Variants in CADM2 observed in about 807,000 individuals in gnomAD.
CADM2 encodes the protein immunoglobulin superfamily member 4D.
Under a neutral mutation model 49.8 loss-of-function variants are expected in CADM2, and 12 were observed. The ratio of observed to expected loss-of-function variants is 0.24; its 90% confidence interval spans 0.15 to 0.39. The LOEUF is 0.39. Among genes scored for constraint, CADM2 ranks in the 10% least tolerant of loss-of-function variants. The probability of loss-of-function intolerance (pLI) is 1.00; values close to 1 mark genes in which losing one functional copy is unlikely to be tolerated. For missense variants in CADM2, 378 were observed against 492.3 expected (o/e 0.77, Z 2.20); for synonymous variants, 214 against 175.4 (o/e 1.22, Z -1.74).
chr3:85,040,553 G>C (rs1316009511), intron 1 of CADM2, among the ~76,000 whole-genome samples: 3 of 149,778 alleles, frequency 2.0e-5, no homozygotes, highest in Non-Finnish European at 4.4e-5. Flanking sequence ...CTAGTCGCTA[G>C]AGGAGAATTA....
At chr3:85,375,008 TCA>T (rs922482229) in intron 1 of CADM2, among the ~76,000 whole-genome samples, 1 of 152,000 alleles carries the variant, frequency 6.6e-6, no homozygotes, top group Non-Finnish European at 1.5e-5. Flanking sequence ...AAAAAGAAAA[TCA>T]CACACACACA....
chr3:85,737,049 A>T (rs2068168696), intron 2 of CADM2, among the ~76,000 whole-genome samples: 3 of 152,338 alleles, frequency 2.0e-5, no homozygotes, highest in East Asian at 1.9e-4. Context: ...ACATTTTGTT[A>T]TTCTTCATTT....
At chr3:85,286,196 G>T (rs571750751) in intron 1 of CADM2, among the ~76,000 whole-genome samples, 1 of 152,112 alleles carries the variant, frequency 6.6e-6, no homozygotes, top group Non-Finnish European at 1.5e-5. Context: ...ATCTGGGACC[G>T]GAGCTGATCT....
chr3:85,588,799 G>C (rs2063019077), intron 1 of CADM2, among the ~76,000 whole-genome samples: 1 of 151,988 alleles, frequency 6.6e-6, no homozygotes. Context: ...GGTGCAAATA[G>C]TGCACCTGCC....
intron 1 of CADM2, among the ~76,000 whole-genome samples, chr3:85,695,462 T>C (rs943695212): frequency 4.6e-5 from 7 of 152,070 alleles, no homozygotes; most frequent in Admixed American, 2.0e-4. Context: ...TTACTTTACT[T>C]AGGATAATGT....
intron 1 of CADM2, among the ~76,000 whole-genome samples, chr3:85,457,143 T>C (rs1266577694): frequency 3.3e-5 from 5 of 152,174 alleles, no homozygotes; most frequent in Admixed American, 2.6e-4. Flanking sequence ...CCAGGAGCAG[T>C]GGCTCACGCC....
At chr3:85,688,991 C>T (rs773494293) in intron 1 of CADM2, among the ~76,000 whole-genome samples, 9 of 152,158 alleles carry the variant, frequency 5.9e-5, no homozygotes, top group Non-Finnish European at 1.3e-4. Context: ...TGTGAATGTT[C>T]ATAGCACCTT....
intron 8 of CADM2, among the ~76,000 whole-genome samples, chr3:86,061,280 T>TA (rs1738613419): frequency 6.6e-6 from 1 of 152,016 alleles, no homozygotes; most frequent in South Asian, 2.1e-4. Context: ...CTGAACTTGA[T>TA]AGGGGGTGTT....
chr3:85,359,666 A>ATATATATATATATATATATATATATTT lies in CADM2; in HGVS notation c.62-366855_62-366854insATATATATATATATATATATATATTTT. 1.2e-3 allele frequency among the ~76,000 whole-genome samples: 33 copies of ATATATATATATATATATATATATATTT among 26,534 alleles called. 2 individuals are homozygous for ATATATATATATATATATATATATATTT. Among genetic ancestry groups the ATATATATATATATATATATATATATTT allele is most frequent in the African/African-American group, 1.5e-3 (14 of 9,378 alleles). The allele number at this position is 26,534 out of a possible 152,430, so 17.4% of individuals were successfully genotyped here. The stretch of plus-strand genomic sequence containing the variant: ...TATATATATATATATATATATATAT[A>ATATATATATATATATATATATATATTT]TTTTTTTTTTTGGTGGAGGGGAGAA... On this transcript the variant is annotated intron_variant, in intron 1 of 9. Transcript: ENST00000383699.
chr3:85,383,503 CATATATATATATGTATAT>C (rs1365915171), intron 1 of CADM2, among the ~76,000 whole-genome samples: 1,774 of 109,198 alleles, frequency 0.016, 34 homozygotes, highest in African/African-American at 0.056. Flanking sequence ...TACATAAAAC[CATATATATATATGTATAT>C]ATATATATAT....
In CADM2 at chr3:85,582,600, T is replaced by G. The variant is rs564487322; in HGVS notation, c.62-143922T>G. 2.0e-5 allele frequency among the ~76,000 whole-genome samples: 3 copies of G among 152,248 alleles called. No individual in the cohort carries two copies. In the South Asian group the frequency reaches 6.2e-4, roughly 32 times the overall value. ...CATGGAAGATGGAGAGAGAGCAAAC[T>G]CTGTGGTTTCTTTTCTCATGAGGGC... is the stretch of plus-strand genomic sequence containing the variant. On this transcript the variant is annotated intron_variant, in intron 1 of 9. Coordinates refer to ENST00000383699, the MANE Select transcript of CADM2 (RefSeq NM_001167675.2).
intron 1 of CADM2, among the ~76,000 whole-genome samples, chr3:85,314,451 C>G (rs896216453): frequency 3.3e-5 from 5 of 151,412 alleles, no homozygotes; most frequent in African/African-American, 4.9e-5. Flanking sequence ...ATAAACTGTG[C>G]TATTTAATAG....
chr3:85,102,624 A>G (rs1387324843), intron 1 of CADM2, among the ~76,000 whole-genome samples: 2 of 152,200 alleles, frequency 1.3e-5, no homozygotes, highest in Non-Finnish European at 2.9e-5. Context: ...AATTGTGATA[A>G]AACATGCTGA....
At chr3:85,571,087 T>C (rs528045948) in intron 1 of CADM2, among the ~76,000 whole-genome samples, 180 of 152,356 alleles carry the variant, frequency 1.2e-3, no homozygotes, top group East Asian at 3.9e-4. Context: ...AGTTCTCCTC[T>C]ACTGCATCCA....
At chr3:85,376,315 C>G (rs1481067231) in intron 1 of CADM2, among the ~76,000 whole-genome samples, 6 of 152,082 alleles carry the variant, frequency 3.9e-5, no homozygotes, top group Non-Finnish European at 8.8e-5. Context: ...TACAACCTCA[C>G]AGCAGGGACA....
At chr3:85,344,928 A>G (rs2030416233) in intron 1 of CADM2, among the ~76,000 whole-genome samples, 1 of 152,154 alleles carries the variant, frequency 6.6e-6, no homozygotes, top group African/African-American at 2.4e-5. Flanking sequence ...GTTCTTTTTA[A>G]GTTCACCTCT....
chr3:85,604,977 G>T (rs1434612906), intron 1 of CADM2, among the ~76,000 whole-genome samples: 1 of 152,014 alleles, frequency 6.6e-6, no homozygotes, highest in Non-Finnish European at 1.5e-5. Context: ...GGAATTTAAG[G>T]CTGTGAACTA....
intron 1 of CADM2, among the ~76,000 whole-genome samples, chr3:85,371,677 GTATATATATATATATATATATA>G (rs1167720851): frequency 6.3e-5 from 6 of 95,154 alleles, no homozygotes; most frequent in Non-Finnish European, 1.2e-4. Flanking sequence ...GTGTGTGTGT[GTATATATATATATATATATATA>G]TATATATATA....
intron 1 of CADM2, among the ~76,000 whole-genome samples, chr3:85,221,749 A>T (rs2042049323): frequency 6.6e-6 from 1 of 152,202 alleles, no homozygotes; most frequent in Admixed American, 6.5e-5. Context: ...AGGCGTTAGG[A>T]CATCTGTCCT....
Sources: allele counts gnomAD v4.1 joint callset (sites outside exome capture counted in the v4.1 genomes callset), GRCh38; gene constraint gnomAD v4.1.1; transcripts MANE v1.5; gene names NCBI Gene and HGNC (gene_info 2026-07-23, HGNC 2026-07-21).